TMTC3: variants seen among roughly 807,000 people sequenced by gnomAD.
The protein encoded by TMTC3 is transmembrane O-mannosyltransferase targeting cadherins 3, also known as protein O-mannosyl-transferase TMTC3.
Under a neutral mutation model 92.2 loss-of-function variants are expected in TMTC3, and 52 were observed. The ratio of observed to expected loss-of-function variants is 0.56; its 90% CI spans 0.45 to 0.71. The LOEUF (loss-of-function observed/expected upper bound fraction) is 0.71. Ranked by LOEUF, TMTC3 falls within the 30% of genes least tolerant of loss-of-function variation. The pLI is 0.00. For synonymous variants in TMTC3, 339 were observed against 363.3 expected, an observed-to-expected ratio of 0.93 and a Z score of 0.76; for missense variants, 896 against 1,057.1, an observed-to-expected ratio of 0.85 and a Z score of 2.11.
intron 10 of TMTC3, among the ~76,000 whole-genome samples, chr12:88,181,263 A>T (rs1250792484): frequency 6.6e-6 from 1 of 152,166 alleles, no homozygotes; most frequent in Non-Finnish European, 1.5e-5. Context: ...GTATCAATGG[A>T]TACATGTATA....
chr12:88,178,631 C>G (rs2041284678), intron 10 of TMTC3, among the ~76,000 whole-genome samples: 1 of 151,828 alleles, frequency 6.6e-6, no homozygotes, highest in Admixed American at 6.6e-5. Flanking sequence ...TTTTGTACCC[C>G]TGCATCATCA....
At chr12:88,192,953 C>G in intron 13 of TMTC3, 123 bp downstream of exon 13, 1 of 691,200 alleles carries the variant, frequency 1.4e-6, no homozygotes, top group Non-Finnish European at 2.3e-6. Context: ...CAATACTGTG[C>G]TTAACTGATT....
At chr12:88,181,937 G>A (rs956396936) in intron 10 of TMTC3, among the ~76,000 whole-genome samples, 6 of 152,210 alleles carry the variant, frequency 3.9e-5, no homozygotes, top group Admixed American at 2.6e-4. Flanking sequence ...ACAGGAGTAC[G>A]AGAAAAGAAC....
intron 4 of TMTC3, among the ~76,000 whole-genome samples, chr12:88,156,811 G>GTTT (rs56284816): frequency 0.12 from 16,597 of 136,610 alleles, 1,336 homozygotes; most frequent in East Asian, 0.22. Context: ...GTGTGTGTGT[G>GTTT]TTTTTTTTTT....
chr12:88,153,256 T>C (rs1423010923), intron 2 of TMTC3, 35 bp from the exon 3 acceptor site: 1 of 1,496,460 alleles, frequency 6.7e-7, no homozygotes, highest in Non-Finnish European at 9.2e-7. Flanking sequence ...TGGACCAAGG[T>C]ACTTTAATAA....
At chr12:88,160,257 T>A in intron 5 of TMTC3, 28 bp downstream of exon 5, 2 of 1,284,258 alleles carry the variant, frequency 1.6e-6, no homozygotes, top group Non-Finnish European at 2.1e-6. Context: ...TATATAAATT[T>A]TCTTATTGAT....
At chr12:88,172,003 A>G (rs2041210215) in intron 7 of TMTC3, among the ~76,000 whole-genome samples, 1 of 152,058 alleles carries the variant, frequency 6.6e-6, no homozygotes, top group South Asian at 2.1e-4. Flanking sequence ...TCTTCTGAGG[A>G]ATATCTATTT....
Position 88,160,221 on chromosome 12 carries a change from G to T in TMTC3, c.616G>T (p.Ala206Ser), listed in dbSNP as rs1255403032. 1 of 1,533,054 alleles carries T rather than the reference G, an allele frequency of 6.5e-7. No homozygotes were observed. The highest frequency in any genetic ancestry group is 8.7e-7 in the Non-Finnish European group (1 of 1,145,368). 95.0% of individuals were successfully genotyped at this position (1,533,054 alleles called of 1,614,324 possible). A position where few individuals can be genotyped will look rare whatever the true frequency, so the allele number is the denominator to read the frequency against. The part of the protein sequence containing the change: ...GICCVYEVFI[A>S]QGYTLPLLCT... ...TTGCTGTGTGTATGAAGTGTTTATT[G>T]CCCAGGGGGTAAGCCAAACTATAAA... The change falls in exon 5 of 14, where the codon GCC becomes TCC. Residue 206 changes from alanine (A) to serine (S), a missense_variant. Transcript: ENST00000266712.
intron 11 of TMTC3, 113 bp downstream of exon 11, chr12:88,189,059 G>C: frequency 3.3e-6 from 2 of 609,468 alleles, no homozygotes; most frequent in Non-Finnish European, 2.8e-6. Flanking sequence ...ATAAAAGTAA[G>C]TTTTATAAAG....
intron 10 of TMTC3, among the ~76,000 whole-genome samples, chr12:88,176,530 C>G (rs1006909958): frequency 3.9e-5 from 6 of 152,110 alleles, no homozygotes; most frequent in Admixed American, 3.9e-4. Context: ...ATTCCCAGCA[C>G]TTTGGGAGGC....
At chr12:88,147,442 G>A (rs971435422) in intron 1 of TMTC3, among the ~76,000 whole-genome samples, 1 of 151,944 alleles carries the variant, frequency 6.6e-6, no homozygotes, top group South Asian at 2.1e-4. Context: ...TGTTTCATTC[G>A]GTTTTTCTAA....
intron 10 of TMTC3, among the ~76,000 whole-genome samples, chr12:88,177,024 G>A (rs1349324774): frequency 6.6e-6 from 1 of 151,990 alleles, no homozygotes; most frequent in Non-Finnish European, 1.5e-5. Context: ...AGAGGGTTTT[G>A]GCTTTTTTAA....
chr12:88,183,952 A>G (rs932146827), intron 10 of TMTC3, among the ~76,000 whole-genome samples: 10 of 152,144 alleles, frequency 6.6e-5, no homozygotes, highest in African/African-American at 1.2e-4. Flanking sequence ...GCGGGCACCA[A>G]TGACTTACTG....
intron 1 of TMTC3, among the ~76,000 whole-genome samples, chr12:88,145,689 G>A (rs1592718717): frequency 6.6e-6 from 1 of 152,096 alleles, no homozygotes; most frequent in East Asian, 1.9e-4. Flanking sequence ...GAGCAGAGAG[G>A]GAAATAGATA....
chr12:88,152,858 G>A (rs1170833962), intron 2 of TMTC3, among the ~76,000 whole-genome samples: 1 of 152,100 alleles, frequency 6.6e-6, no homozygotes, highest in African/African-American at 2.4e-5. Flanking sequence ...TAATTGAACT[G>A]GTAAGCATTC....
At chr12:88,162,661 C>G (rs1445411466) in intron 6 of TMTC3, among the ~76,000 whole-genome samples, 1 of 152,188 alleles carries the variant, frequency 6.6e-6, no homozygotes, top group African/African-American at 2.4e-5. Context: ...TTCTATATCT[C>G]TACATGTTCT....
At chr12:88,148,087 C>A (rs549602086) in intron 1 of TMTC3, among the ~76,000 whole-genome samples, 1 of 152,180 alleles carries the variant, frequency 6.6e-6, no homozygotes, top group Non-Finnish European at 1.5e-5. Flanking sequence ...GACATAATGT[C>A]CCCGTTATCA....
rs907839867 is a variant in TMTC3, at chr12:88,173,011, A to G, written c.1199+266A>G. The G allele has an allele frequency of 1.1e-5, 15 of 1,371,882 alleles. No homozygotes were observed. In the Admixed American group the frequency reaches 3.0e-4, roughly 28 times the overall value. The allele number at this position is 1,371,882 out of a possible 1,614,324, so 85.0% of individuals were successfully genotyped here. On this transcript the variant is annotated intron_variant, in intron 8 of 13. Transcript: ENST00000266712. The stretch of plus-strand genomic sequence containing the variant: ...GAGTCAGATCCAAATGAAAACAAGG[A>G]TGTTACTGAGAATAAAGTCTCAAAT...
At chr12:88,192,433 T>C (rs1227200114) in intron 12 of TMTC3, among the ~76,000 whole-genome samples, 171 bp from the exon 13 acceptor site, 1 of 152,014 alleles carries the variant, frequency 6.6e-6, no homozygotes, top group Non-Finnish European at 1.5e-5. Context: ...AACTAAGGAG[T>C]TCAGATTTGA....
Sources: gnomAD v4.1 joint callset for allele counts (sites outside exome capture counted in the v4.1 genomes callset) on GRCh38, gnomAD v4.1.1 for gene constraint, MANE v1.5 for transcripts, NCBI Gene and HGNC (gene_info 2026-07-23, HGNC 2026-07-21) for gene names.